The following GRM7 variants were observed in gnomAD, a reference collection of about 807,000 sequenced individuals.
GRM7 encodes the protein glutamate metabotropic receptor 7, also known as metabotropic glutamate receptor 7.
Under a neutral mutation model 84.5 loss-of-function variants are expected in GRM7, and 35 were observed. The ratio of observed to expected loss-of-function variants is 0.41; its 90% confidence interval spans 0.32 to 0.55. The LOEUF is 0.55. GRM7 is among the 20% of genes least tolerant of loss of function. The pLI is 0.19. For synonymous variants in GRM7, 487 were observed against 455.1 expected, an observed-to-expected ratio of 1.07 and a Z score of -0.89; for missense variants, 1,003 against 1,194.6, an observed-to-expected ratio of 0.84 and a Z score of 2.36.
At chr3:7,005,930 A>C (rs1695168598) in intron 1 of GRM7, among the ~76,000 whole-genome samples, 1 of 152,192 alleles carries the variant, frequency 6.6e-6, no homozygotes, top group Admixed American at 6.5e-5. Context: ...AGGAATGCTC[A>C]GACTGGCCAG....
intron 4 of GRM7, among the ~76,000 whole-genome samples, chr3:7,409,512 A>T (rs1419668028): frequency 6.6e-6 from 1 of 152,146 alleles, no homozygotes; most frequent in African/African-American, 2.4e-5. Context: ...GTGTATATAA[A>T]GATGGATGAT....
intron 1 of GRM7, among the ~76,000 whole-genome samples, chr3:7,004,874 C>G (rs556399675): frequency 2.2e-4 from 34 of 152,294 alleles, no homozygotes; most frequent in African/African-American, 8.2e-4. Context: ...TCCGACAAAT[C>G]TCTCTAAAAA....
At chr3:6,980,527 T>C (rs576069388) in intron 1 of GRM7, among the ~76,000 whole-genome samples, 76 of 152,332 alleles carry the variant, frequency 5.0e-4, no homozygotes, top group Non-Finnish European at 9.1e-4. Context: ...ATTAAACTAG[T>C]TTGTTAAAGA....
At chr3:7,431,918 G>A (rs1196716362) in intron 5 of GRM7, among the ~76,000 whole-genome samples, 4 of 127,268 alleles carry the variant, frequency 3.1e-5, no homozygotes, top group African/African-American at 1.1e-4. Flanking sequence ...ATACCTAGCA[G>A]GATGTTTTTT....
intron 1 of GRM7, among the ~76,000 whole-genome samples, chr3:7,018,203 A>G (rs1425639198): frequency 6.6e-6 from 1 of 152,208 alleles, no homozygotes; most frequent in Non-Finnish European, 1.5e-5. Flanking sequence ...TACTGTATTT[A>G]CATTCTTTTT....
intron 2 of GRM7, among the ~76,000 whole-genome samples, chr3:7,241,104 A>T (rs1173143196): frequency 2.0e-5 from 3 of 152,192 alleles, no homozygotes; most frequent in African/African-American, 7.2e-5. Flanking sequence ...TTAGCTGTAT[A>T]TGGTTGCTGA....
intron 2 of GRM7, among the ~76,000 whole-genome samples, chr3:7,227,874 T>C (rs1050920270): frequency 1.3e-5 from 2 of 152,154 alleles, no homozygotes; most frequent in African/African-American, 4.8e-5. Context: ...ATTATTGTAA[T>C]TCCAGGAGTA....
In GRM7 at chr3:7,578,840, T is replaced by C; in HGVS notation, c.1934T>C (p.Leu645Pro). The C allele has an allele frequency of 6.2e-7, 1 of 1,614,194 alleles. No homozygotes were observed. The highest frequency in any genetic ancestry group is 8.5e-7 in the Non-Finnish European group (1 of 1,180,036). Residue 645 changes from leucine to proline, a missense_variant, in exon 8 of 10, where the codon CTG becomes CCG. Physicochemically the swap from Leu to Pro is moderately conservative, Grantham distance 98. Coordinates refer to ENST00000357716, the MANE Select transcript of GRM7 (RefSeq NM_000844.4). The stretch of plus-strand genomic sequence containing the variant: ...TTTCTTTGCTACATCATCACTTTCC[T>C]GATGATTGCCAAACCAGATGTGGCA... ...GIFLCYIITF[L>P]MIAKPDVAVC...
In GRM7 at chr3:7,204,957, T is replaced by C. The variant is rs192779176; in HGVS notation, c.736+58289T>C. 5.2e-3 allele frequency among the ~76,000 whole-genome samples: 791 copies of C among 152,340 alleles called. 15 individuals carry two copies. The highest frequency in any genetic ancestry group is 0.046 in the Admixed American group (697 of 15,302). ...AACTCAAAAGGCTTGGCTCCAGATA[T>C]GTAAATAATTAATAACTAGCTTGCT... is the stretch of plus-strand genomic sequence containing the variant. On this transcript the variant is annotated intron_variant, in intron 2 of 9. Transcript: ENST00000357716.
chr3:7,100,296 A>G (rs1380894637), intron 1 of GRM7, among the ~76,000 whole-genome samples: 1 of 151,654 alleles, frequency 6.6e-6, no homozygotes, highest in African/African-American at 2.4e-5. Flanking sequence ...TTGGTAATGT[A>G]GGATTGTCTC....
intron 2 of GRM7, among the ~76,000 whole-genome samples, chr3:7,198,193 C>A (rs1374896975): frequency 6.6e-6 from 1 of 150,590 alleles, no homozygotes; most frequent in Non-Finnish European, 1.5e-5. Flanking sequence ...AACAGGCACA[C>A]TAGCTAAAGG....
At chr3:7,091,253 A>G (rs1442047478) in intron 1 of GRM7, among the ~76,000 whole-genome samples, 1 of 152,120 alleles carries the variant, frequency 6.6e-6, no homozygotes, top group African/African-American at 2.4e-5. Flanking sequence ...TGCTAGAGCA[A>G]CCCATGAACT....
chr3:7,162,349 G>T (rs1362724059), intron 2 of GRM7, among the ~76,000 whole-genome samples: 2 of 152,084 alleles, frequency 1.3e-5, no homozygotes. Flanking sequence ...ATGAACTAAG[G>T]CATGCCTGAA....
At chr3:7,381,490 C>A (rs1173788295) in intron 4 of GRM7, among the ~76,000 whole-genome samples, 1 of 152,062 alleles carries the variant, frequency 6.6e-6, no homozygotes, top group Non-Finnish European at 1.5e-5. Context: ...AAGCATTAAA[C>A]ATTTATACTA....
chr3:6,865,724 G>A (rs1048441953), intron 1 of GRM7, among the ~76,000 whole-genome samples: 11 of 151,910 alleles, frequency 7.2e-5, no homozygotes, highest in Admixed American at 3.9e-4. Flanking sequence ...TCAAACTTTT[G>A]GGATAATATT....
At chr3:6,923,042 G>GCA (rs1697177249) in intron 1 of GRM7, among the ~76,000 whole-genome samples, 1 of 151,760 alleles carries the variant, frequency 6.6e-6, no homozygotes, top group Non-Finnish European at 1.5e-5. Flanking sequence ...TTGCAACGGA[G>GCA]TCTTGCTCTG....
At chr3:7,099,247 A>T (rs372600735) in intron 1 of GRM7, among the ~76,000 whole-genome samples, 47 of 127,434 alleles carry the variant, frequency 3.7e-4, no homozygotes, top group Middle Eastern at 8.1e-3. Flanking sequence ...TGTATATATG[A>T]ATACATGTAT....
At chr3:7,649,004 G>C (rs140848431) in intron 8 of GRM7, among the ~76,000 whole-genome samples, 26 of 152,066 alleles carry the variant, frequency 1.7e-4, no homozygotes, top group Non-Finnish European at 8.8e-5. Flanking sequence ...CCTTAGCACT[G>C]TGTGTCTGCC....
intron 1 of GRM7, among the ~76,000 whole-genome samples, chr3:7,089,082 C>T (rs1426299428): frequency 1.3e-5 from 2 of 152,164 alleles, no homozygotes; most frequent in Non-Finnish European, 2.9e-5. Flanking sequence ...TTTAATCTCT[C>T]TGTTTTCTAA....
Sources: allele counts gnomAD v4.1 joint callset (sites outside exome capture counted in the v4.1 genomes callset), GRCh38; gene constraint gnomAD v4.1.1; transcripts MANE v1.5; gene names NCBI Gene and HGNC (gene_info 2026-07-23, HGNC 2026-07-21).